The following BRSK2 variants were observed in gnomAD, a reference collection of about 807,000 sequenced individuals.
BRSK2 encodes BR serine/threonine kinase 2.
BRSK2 carries 19 observed loss-of-function variants against 83.3 expected under a neutral mutation model. That is an observed-to-expected ratio of 0.23 (90% CI 0.16 to 0.33). BRSK2 has a LOEUF of 0.33. Ranked by LOEUF, BRSK2 falls within the 10% of genes least tolerant of loss-of-function variation. BRSK2 has a pLI of 1.00. For missense variants in BRSK2, 798 were observed against 1,042.3 expected (o/e 0.77, Z 3.23); for synonymous variants, 519 against 435.4 (o/e 1.19, Z -2.39).
rs1160294878 is a variant in BRSK2, at chr11:1,438,866, T to A, written c.272+475T>A. ...CCGTGGCTGAGTGTGGCTGAAAGTG[T>A]CACCTCCGCAGCCGCTGAGGCCAGC... On this transcript the variant is annotated intron_variant, in intron 3 of 19. Transcript: ENST00000528841. The surrounding 1 kb of genome is among the most constrained non-coding windows in gnomAD (Gnocchi z 6.4). Among the ~76,000 whole-genome samples, 1 of 152,088 alleles carries A rather than the reference T, an allele frequency of 6.6e-6. No homozygotes were observed. The highest frequency in any genetic ancestry group is 1.5e-5 in the Non-Finnish European group (1 of 68,002).
At chr11:1,417,465 T>C (rs957842966) in intron 1 of BRSK2, among the ~76,000 whole-genome samples, 2 of 152,290 alleles carry the variant, frequency 1.3e-5, no homozygotes, top group African/African-American at 4.8e-5. Flanking sequence ...CTGAAAATTC[T>C]AGCATTTAGA....
chr11:1,445,532 C>G, intron 10 of BRSK2, 39 bp from the exon 11 acceptor site: 1 of 1,600,334 alleles, frequency 6.2e-7, no homozygotes, highest in Non-Finnish European at 8.5e-7. Context: ...GCCGGCGGCC[C>G]CGTGTGCCAG....
chr11:1,457,558 G>C (rs894175922), intron 18 of BRSK2, among the ~76,000 whole-genome samples: 7 of 152,194 alleles, frequency 4.6e-5, no homozygotes, highest in Non-Finnish European at 1.0e-4. Context: ...CATGGGCCTG[G>C]TCTGTCAGCA....
chr11:1,459,301 C>A, intron 19 of BRSK2, 62 bp downstream of exon 19: 1 of 1,584,988 alleles, frequency 6.3e-7, no homozygotes, highest in South Asian at 1.1e-5. Flanking sequence ...ACCCTCAGCC[C>A]GCTGTGGCCG....
At chr11:1,442,690 C>T in intron 5 of BRSK2, 84 bp downstream of exon 5, 3 of 1,116,342 alleles carry the variant, frequency 2.7e-6, no homozygotes, top group Non-Finnish European at 4.0e-6. Flanking sequence ...AGGCCCCCAG[C>T]CTGCCTGAGC....
At chr11:1,437,946 G>A (rs1023578422) in intron 2 of BRSK2, among the ~76,000 whole-genome samples, 7 of 152,124 alleles carry the variant, frequency 4.6e-5, no homozygotes, top group Admixed American at 1.3e-4. Context: ...CAGCCCGGCG[G>A]CCTGGGCTCC....
intron 1 of BRSK2, among the ~76,000 whole-genome samples, chr11:1,424,453 A>G (rs7101875): frequency 0.4 from 60,711 of 152,132 alleles, 12,768 homozygotes; most frequent in African/African-American, 0.51. Flanking sequence ...CAGACAGTGG[A>G]GGCTGTGTGA....
At chr11:1,456,202 C>A in intron 16 of BRSK2, 146 bp from the exon 17 acceptor site, 2 of 860,194 alleles carry the variant, frequency 2.3e-6, no homozygotes, top group Admixed American at 6.2e-5. Flanking sequence ...CCGTCTCCAA[C>A]CGCACTGTGC....
Position 1,456,417 on chromosome 11 carries a change from C to A in BRSK2, c.1738C>A (p.Pro580Thr). The A allele has an allele frequency of 6.3e-7, 1 of 1,599,858 alleles. No individual in the cohort carries two copies. The highest frequency in any genetic ancestry group is 1.1e-5 in the South Asian group (1 of 88,814). Residue 580 changes from proline (P) to threonine (T), a missense_variant, in exon 17 of 20, where the codon CCA (proline) becomes ACA (threonine). Pro to Thr is a conservative substitution (Grantham distance 38). This residue lies in a region of BRSK2 where 455 missense variants were observed against 455.2 expected (regional missense o/e 1.00). Coordinates refer to ENST00000528841, the MANE Select transcript of BRSK2 (RefSeq NM_001256627.2). ...GGCCGAGTACAAGGCCACGGGGGGG[C>A]CAGCCGTGTTCCAGAAGCCGGTCAA... Reference protein sequence around the residue: ...FRAEYKATGGPAVFQKPVKFQ... With the variant: ...FRAEYKATGGTAVFQKPVKFQ...
In BRSK2 at chr11:1,422,295, C is replaced by T. The variant is rs912184152; in HGVS notation, c.92-13745C>T. ...GTTTGGTACCCTGTGTGTGCAGAGT[C>T]CCAGGTGGGGCCTGCCCTCCTCCAG... On this transcript the variant is annotated intron_variant, in intron 1 of 19. Coordinates refer to ENST00000528841, the MANE Select transcript of BRSK2 (RefSeq NM_001256627.2). Among the ~76,000 whole-genome samples the T allele has an allele frequency of 1.2e-4, 19 of 152,276 alleles. 1 individual carries two copies. Among genetic ancestry groups the T allele is most frequent in the African/African-American group, 4.3e-4 (18 of 41,548 alleles).
chr11:1,407,401 G>C (rs1846962884), intron 1 of BRSK2, among the ~76,000 whole-genome samples: 1 of 152,144 alleles, frequency 6.6e-6, no homozygotes, highest in African/African-American at 2.4e-5. Context: ...CACTTGGGGG[G>C]CTTCTCACAT....
chr11:1,392,288 G>A (rs1845775743), intron 1 of BRSK2, among the ~76,000 whole-genome samples: 1 of 152,216 alleles, frequency 6.6e-6, no homozygotes, highest in South Asian at 2.1e-4. Flanking sequence ...CGGGAGGCTG[G>A]GCTTCTGGCC....
At chr11:1,422,029 G>A (rs1457636619) in intron 1 of BRSK2, among the ~76,000 whole-genome samples, 3 of 152,144 alleles carry the variant, frequency 2.0e-5, no homozygotes, top group Non-Finnish European at 4.4e-5. Flanking sequence ...TGAGGTTGGG[G>A]TGCCCCACGG....
At chr11:1,416,834 T>C (rs919007195) in intron 1 of BRSK2, among the ~76,000 whole-genome samples, 4 of 152,122 alleles carry the variant, frequency 2.6e-5, no homozygotes, top group Admixed American at 1.3e-4. Context: ...ATTTAGTACA[T>C]TTGGGGAAAT....
chr11:1,421,661 G>GCCTCGCT (rs1284891700), intron 1 of BRSK2, among the ~76,000 whole-genome samples: 1 of 152,204 alleles, frequency 6.6e-6, no homozygotes, highest in Admixed American at 6.5e-5. Flanking sequence ...TGTGCTGAGG[G>GCCTCGCT]CCTCGCTCCT....
At position 1,460,818 on chromosome 11, in the gene BRSK2, C is replaced by G. The variant is rs1229733581; in HGVS notation, c.*95C>G. 6 of 1,493,090 alleles carry G rather than the reference C, an allele frequency of 4.0e-6. No individual in the cohort carries two copies. Among genetic ancestry groups the G allele is most frequent in the Admixed American group, 2.5e-5 (1 of 40,086 alleles). 92.5% of individuals were successfully genotyped at this position (1,493,090 alleles called of 1,614,324 possible). Reference sequence around the variant, plus strand: ...CGAGTGGACCCGCGGCCGCGCCGCCCGTCCGTCCAGACTGTTCTCAGAGCC... The same window carrying G: ...CGAGTGGACCCGCGGCCGCGCCGCCGGTCCGTCCAGACTGTTCTCAGAGCC... On this transcript the variant is annotated 3_prime_UTR_variant, in exon 20 of 20. Coordinates refer to ENST00000528841, the MANE Select transcript of BRSK2 (RefSeq NM_001256627.2).
chr11:1,423,857 C>G lies in BRSK2; in HGVS notation c.92-12183C>G, dbSNP rs911496557. 1.3e-5 allele frequency among the ~76,000 whole-genome samples: 2 copies of G among 151,992 alleles called. No individual in the cohort carries two copies. The highest frequency in any genetic ancestry group is 2.1e-4 in the South Asian group (1 of 4,812). ...CCCCCGCTGAGTGTTCCCGGTGCCC[C>G]TGGGCCTGCAGAAGTGCTCCCCCAC... On this transcript the variant is annotated intron_variant, in intron 1 of 19. Transcript: ENST00000528841. This position sits in a 1 kb window ranked among gnomAD's most constrained non-coding sequence, Gnocchi z 6.5.
chr11:1,411,834 G>A (rs891775799), intron 1 of BRSK2, among the ~76,000 whole-genome samples: 4 of 152,200 alleles, frequency 2.6e-5, no homozygotes, highest in African/African-American at 9.6e-5. Flanking sequence ...ATGTGGAGAG[G>A]CTCCTGCCCA....
intron 18 of BRSK2, 86 bp downstream of exon 18, chr11:1,456,773 CCGGGCGCAGCCTCCTGGCCCCTCTTGA>C: frequency 1.4e-6 from 2 of 1,408,036 alleles, no homozygotes; most frequent in Non-Finnish European, 1.9e-6. Flanking sequence ...GCGTGAGGAC[CCGGGCGCAGCCTCCTGGCCCCTCTTGA>C]CGGACGCCCC....
Sources: allele counts gnomAD v4.1 joint callset (sites outside exome capture counted in the v4.1 genomes callset), GRCh38; gene constraint gnomAD v4.1.1; regional missense constraint gnomAD v4.1.1; non-coding constraint Gnocchi (gnomAD v3.1); transcripts MANE v1.5; gene names NCBI Gene and HGNC (gene_info 2026-07-23, HGNC 2026-07-21).